The following GHR variants were observed in gnomAD, a reference collection of about 807,000 sequenced individuals.
GHR encodes GH receptor.
In GHR, 35 loss-of-function variants were observed where a neutral mutation model predicts 67.1. The observed-to-expected ratio is 0.52, with a 90% CI of 0.40 to 0.69. The LOEUF (loss-of-function observed/expected upper bound fraction) is 0.69, where lower values mean the gene tolerates loss of function less well. GHR is among the 30% of genes least tolerant of loss of function. The pLI, the probability that GHR is intolerant of heterozygous loss-of-function variation, is 0.00. For missense variants in GHR, 792 were observed against 764.6 expected (o/e 1.04, Z -0.42); for synonymous variants, 272 against 269.1 (o/e 1.01, Z -0.10).
intron 6 of GHR, among the ~76,000 whole-genome samples, chr5:42,701,939 T>A (rs1561241139): frequency 6.6e-6 from 1 of 152,116 alleles, no homozygotes; most frequent in Non-Finnish European, 1.5e-5. Flanking sequence ...TTTTTAATGA[T>A]CAAAAATTTT....
At chr5:42,516,136 C>T (rs766993280) in intron 1 of GHR, among the ~76,000 whole-genome samples, 13 of 152,268 alleles carry the variant, frequency 8.5e-5, no homozygotes, top group Non-Finnish European at 1.5e-4. Context: ...TCTCAGTGTA[C>T]TTCCACATGG....
At chr5:42,450,752 T>C (rs1744014510) in intron 1 of GHR, among the ~76,000 whole-genome samples, 1 of 152,168 alleles carries the variant, frequency 6.6e-6, no homozygotes, top group Non-Finnish European at 1.5e-5. Flanking sequence ...TTTCAGACTT[T>C]TTGATTTAGG....
At chr5:42,468,710 T>C in intron 1 of GHR, 1 of 975,474 alleles carries the variant, frequency 1.0e-6, no homozygotes, top group Non-Finnish European at 1.6e-6. Context: ...CAGCCTGAGC[T>C]GCCGCTCTTG....
Position 42,660,809 on chromosome 5 carries a change from C to T in GHR, c.137-28081C>T, listed in dbSNP as rs189664140. ...AAGACTTCAGACGATCAAATTACTCCGAGCTACAGGAGGAAATTGAAACCA... is the reference window on the plus strand; with the variant it reads ...AAGACTTCAGACGATCAAATTACTCTGAGCTACAGGAGGAAATTGAAACCA... On this transcript the variant is annotated intron_variant, in intron 3 of 9. Transcript: ENST00000230882. Among the ~76,000 whole-genome samples, 347 of 152,226 alleles carry T rather than the reference C, an allele frequency of 2.3e-3. 1 individual carries two copies. The highest frequency in any genetic ancestry group is 7.9e-3 in the African/African-American group (330 of 41,518).
At position 42,534,164 on chromosome 5, in the gene GHR, A is replaced by G. The variant is rs977575963; in HGVS notation, c.-11-31700A>G. Among the ~76,000 whole-genome samples the G allele has an allele frequency of 8.3e-5, 8 of 96,502 alleles. 1 individual carries two copies. The South Asian group carries it at 1.5e-3, about 19-fold the overall frequency. 63.3% of individuals were successfully genotyped at this position (96,502 alleles called of 152,430 possible). The stretch of plus-strand genomic sequence containing the variant: ...TGTATATATGTATGTATATATATGT[A>G]CATATGTATATATGTATGTATATAT... On this transcript the variant is annotated intron_variant, in intron 1 of 9. Transcript: ENST00000230882.
chr5:42,425,963 T>C (rs1437091517), intron 1 of GHR, among the ~76,000 whole-genome samples: 1 of 152,220 alleles, frequency 6.6e-6, no homozygotes, highest in Non-Finnish European at 1.5e-5. Context: ...GCATTCTTTT[T>C]TCAAAATGAA....
At chr5:42,490,383 T>C (rs1410284354) in intron 1 of GHR, among the ~76,000 whole-genome samples, 1 of 152,248 alleles carries the variant, frequency 6.6e-6, no homozygotes, top group Non-Finnish European at 1.5e-5. Context: ...AGTGTCATGC[T>C]GTACAATCGA....
At position 42,603,939 on chromosome 5, in the gene GHR, A is replaced by G. The variant is rs931292267; in HGVS notation, c.71-25099A>G. Among the ~76,000 whole-genome samples, 4 of 152,340 alleles carry G rather than the reference A, an allele frequency of 2.6e-5. No homozygotes were observed. The East Asian group carries it at 7.7e-4, about 29-fold the overall frequency. ...TGCCTGTACTTCTTACTGACTGGCTATAAACTGAGGTTCCCACAACCCCCT... is the reference window on the plus strand; with the variant it reads ...TGCCTGTACTTCTTACTGACTGGCTGTAAACTGAGGTTCCCACAACCCCCT... On this transcript the variant is annotated intron_variant, in intron 2 of 9. Transcript: ENST00000230882.
chr5:42,575,624 A>G (rs953738341), intron 2 of GHR, among the ~76,000 whole-genome samples: 1 of 151,804 alleles, frequency 6.6e-6, no homozygotes, highest in Admixed American at 6.6e-5. Flanking sequence ...TCTACACACT[A>G]TCAGTTGTCC....
chr5:42,487,608 G>A (rs992053457), intron 1 of GHR, among the ~76,000 whole-genome samples: 6 of 150,844 alleles, frequency 4.0e-5, no homozygotes, highest in Admixed American at 2.6e-4. Flanking sequence ...CAGATTCCTA[G>A]ATGCAGTTTA....
In GHR at chr5:42,479,088, G is replaced by A. The variant is rs907094912; in HGVS notation, c.-12+55133G>A. On this transcript the variant is annotated intron_variant, in intron 1 of 9. Coordinates refer to ENST00000230882, the MANE Select transcript of GHR (RefSeq NM_000163.5). ...TTACCTAATTTACTGAGAGTTTTTA[G>A]CATGAAGCATTGTTGAATTTTTACA... 5.3e-5 allele frequency among the ~76,000 whole-genome samples: 8 copies of A among 152,156 alleles called. No individual in the cohort carries two copies. In the South Asian group the frequency reaches 6.2e-4, roughly 12 times the overall value.
intron 1 of GHR, among the ~76,000 whole-genome samples, chr5:42,551,122 C>A (rs542015961): frequency 1.9e-4 from 29 of 152,300 alleles, no homozygotes; most frequent in Admixed American, 3.3e-4. Context: ...TCAAATACAG[C>A]CCATGCTTTG....
chr5:42,626,087 C>T (rs543290566), intron 2 of GHR, among the ~76,000 whole-genome samples: 35 of 152,254 alleles, frequency 2.3e-4, no homozygotes, highest in African/African-American at 7.5e-4. Context: ...GATAAAAAAT[C>T]GGAACTTAGT....
intron 1 of GHR, among the ~76,000 whole-genome samples, chr5:42,536,688 T>C (rs1369103863): frequency 6.6e-6 from 1 of 152,188 alleles, no homozygotes; most frequent in Non-Finnish European, 1.5e-5. Flanking sequence ...TAGAATGGAT[T>C]AGGGAGGGTT....
At chr5:42,656,473 C>T (rs550598817) in intron 3 of GHR, among the ~76,000 whole-genome samples, 2 of 152,202 alleles carry the variant, frequency 1.3e-5, no homozygotes, top group East Asian at 1.9e-4. Flanking sequence ...ATCCTGATGT[C>T]GTATCTTGCA....
intron 1 of GHR, among the ~76,000 whole-genome samples, chr5:42,563,195 T>C (rs1328768049): frequency 6.6e-6 from 1 of 152,140 alleles, no homozygotes; most frequent in Non-Finnish European, 1.5e-5. Context: ...GAATTGGGGA[T>C]TTACTGTTAT....
At chr5:42,661,672 A>C (rs1376126006) in intron 3 of GHR, among the ~76,000 whole-genome samples, 1 of 152,158 alleles carries the variant, frequency 6.6e-6, no homozygotes, top group Non-Finnish European at 1.5e-5. Flanking sequence ...AAAGACCATC[A>C]AGGCTAGGAA....
At position 42,719,198 on chromosome 5, in the gene GHR, A is replaced by C; in HGVS notation, c.1691A>C (p.Asp564Ala). ...SHIQPSLNQE[D>A]IYITTESLTT... is the part of the protein sequence containing the mutation. ...ATACAGCCAAGCTTAAACCAAGAGG[A>C]CATTTACATCACCACAGAAAGCCTT... is the stretch of plus-strand genomic sequence containing the variant. Residue 564 changes from aspartate to alanine, a missense_variant, in exon 10 of 10, where the codon GAC becomes GCC. Asp to Ala is a moderately radical substitution (Grantham distance 126). Coordinates refer to ENST00000230882, the MANE Select transcript of GHR (RefSeq NM_000163.5). The C allele has an allele frequency of 6.2e-7, 1 of 1,614,114 alleles. No individual in the cohort carries two copies. The highest frequency in any genetic ancestry group is 1.6e-4 in the Middle Eastern group (1 of 6,062).
intron 1 of GHR, among the ~76,000 whole-genome samples, chr5:42,509,139 T>G (rs943454072): frequency 1.3e-5 from 2 of 152,204 alleles, no homozygotes; most frequent in African/African-American, 4.8e-5. Context: ...TTCATCATAC[T>G]ATTGCCTGGC....
Sources: gnomAD v4.1 joint callset for allele counts (sites outside exome capture counted in the v4.1 genomes callset) on GRCh38, gnomAD v4.1.1 for gene constraint, MANE v1.5 for transcripts, NCBI Gene and HGNC (gene_info 2026-07-23, HGNC 2026-07-21) for gene names.